Variants in CCR5AS observed in about 807,000 individuals in gnomAD.
The protein encoded by CCR5AS is CCR5 antisense RNA.
chr3:46,387,194 C>T (rs190518042), intron 2 of CCR5AS, among the ~76,000 whole-genome samples: 1 of 152,268 alleles, frequency 6.6e-6, no homozygotes, highest in Non-Finnish European at 1.5e-5. Context: ...ATGAGTCAAT[C>T]GGATCCTAGC....
intron 3 of CCR5AS, among the ~76,000 whole-genome samples, chr3:46,368,019 G>A (rs1026973346): frequency 2.8e-4 from 42 of 152,224 alleles, no homozygotes; most frequent in Non-Finnish European, 1.6e-4. Context: ...CTGTGCTCAT[G>A]TAGTTGGCCC....
At chr3:46,372,845 A>C in intron 2 of CCR5AS, 1 of 1,384,842 alleles carries the variant, frequency 7.2e-7, no homozygotes, top group East Asian at 2.3e-5. Context: ...AGGGCAACTA[A>C]ATACATTCTA....
chr3:46,380,502 G>T (rs751387026), intron 2 of CCR5AS, among the ~76,000 whole-genome samples: 1 of 152,152 alleles, frequency 6.6e-6, no homozygotes, highest in Admixed American at 6.5e-5. Flanking sequence ...AAACAAAAAG[G>T]TTGTTGAGGA....
intron 2 of CCR5AS, among the ~76,000 whole-genome samples, chr3:46,388,927 C>T (rs770054374): frequency 2.6e-5 from 4 of 152,082 alleles, no homozygotes; most frequent in Non-Finnish European, 5.9e-5. Context: ...TCAAGAGTGG[C>T]GGATTGGGGA....
chr3:46,392,411 C>T (rs530280902), intron 2 of CCR5AS, among the ~76,000 whole-genome samples: 3 of 152,176 alleles, frequency 2.0e-5, no homozygotes, highest in East Asian at 3.9e-4. Context: ...GGGAATGAAG[C>T]GTGGAAGGTT....
At chr3:46,396,736 T>C (rs1445983902) in intron 1 of CCR5AS, among the ~76,000 whole-genome samples, 2 of 152,150 alleles carry the variant, frequency 1.3e-5, no homozygotes, top group Non-Finnish European at 2.9e-5. Context: ...AACTGAGGCC[T>C]CCTCTGTGAC....
intron 2 of CCR5AS, chr3:46,373,246 G>C (rs865910667): frequency 6.2e-7 from 1 of 1,614,128 alleles, no homozygotes; most frequent in South Asian, 1.1e-5. Flanking sequence ...TTCTTCTCTG[G>C]AATCTTCTTC....
chr3:46,395,634 C>T (rs538525475), intron 1 of CCR5AS, among the ~76,000 whole-genome samples: 1 of 152,286 alleles, frequency 6.6e-6, no homozygotes, highest in East Asian at 1.9e-4. Context: ...TGGTCTCCTC[C>T]TCTGCCCACT....
chr3:46,377,850 C>A (rs1701777946), intron 2 of CCR5AS, among the ~76,000 whole-genome samples: 1 of 152,130 alleles, frequency 6.6e-6, no homozygotes, highest in African/African-American at 2.4e-5. Flanking sequence ...GGACTACAGG[C>A]ATGCACCACC....
chr3:46,366,113 G>C (rs1227367763), intron 3 of CCR5AS, among the ~76,000 whole-genome samples: 1 of 152,216 alleles, frequency 6.6e-6, no homozygotes, highest in Non-Finnish European at 1.5e-5. Context: ...TCCGTATACA[G>C]ACTGGAGTGA....
intron 2 of CCR5AS, among the ~76,000 whole-genome samples, chr3:46,378,076 A>G (rs1323306778): frequency 6.6e-6 from 1 of 152,238 alleles, no homozygotes; most frequent in Non-Finnish European, 1.5e-5. Flanking sequence ...TTATTGTCAG[A>G]GTACGTGGAG....
chr3:46,402,839 G>T (rs566645577), intron 1 of CCR5AS, among the ~76,000 whole-genome samples: 1 of 152,124 alleles, frequency 6.6e-6, no homozygotes, highest in East Asian at 1.9e-4. Flanking sequence ...TCATCACTCA[G>T]CTATCAAGCC....
At chr3:46,373,755 CTT>C (rs1701708799) in intron 2 of CCR5AS, 1 of 1,613,784 alleles carries the variant, frequency 6.2e-7, no homozygotes, top group East Asian at 2.2e-5. Context: ...GACAGAGACT[CTT>C]GGGATGACGC....
chr3:46,377,767 G>A (rs768083630), intron 2 of CCR5AS, among the ~76,000 whole-genome samples: 1 of 151,778 alleles, frequency 6.6e-6, no homozygotes, highest in Non-Finnish European at 1.5e-5. Context: ...GTGCAATGGT[G>A]CGATCTCGGC....
chr3:46,367,629 G>C (rs1701612632), intron 3 of CCR5AS, among the ~76,000 whole-genome samples: 1 of 152,168 alleles, frequency 6.6e-6, no homozygotes, highest in Non-Finnish European at 1.5e-5. Context: ...GGAGTGCAAT[G>C]GCCCAATCTT....
intron 2 of CCR5AS, among the ~76,000 whole-genome samples, chr3:46,381,432 C>T (rs2106761130): frequency 6.6e-6 from 1 of 152,300 alleles, no homozygotes; most frequent in Admixed American, 6.5e-5. Flanking sequence ...AACTCTTATA[C>T]ATCCTGGCAT....
intron 1 of CCR5AS, among the ~76,000 whole-genome samples, chr3:46,402,398 A>G (rs1039985064): frequency 3.3e-5 from 5 of 152,232 alleles, no homozygotes; most frequent in African/African-American, 1.2e-4. Flanking sequence ...TCTTTGATCT[A>G]CTACTCAATA....
intron 1 of CCR5AS, among the ~76,000 whole-genome samples, chr3:46,405,469 C>T (rs1284251423): frequency 6.6e-6 from 1 of 152,148 alleles, no homozygotes; most frequent in Non-Finnish European, 1.5e-5. Flanking sequence ...CCTTCCTTTT[C>T]CTGGAACTGA....
At chr3:46,395,415 A>G (rs1254341948) in intron 1 of CCR5AS, among the ~76,000 whole-genome samples, 1 of 152,146 alleles carries the variant, frequency 6.6e-6, no homozygotes, top group East Asian at 1.9e-4. Context: ...GAATGCAGGC[A>G]GCAAAGGGAG....
Sources: allele counts gnomAD v4.1 joint callset (sites outside exome capture counted in the v4.1 genomes callset), GRCh38; gene constraint gnomAD v4.1.1; transcripts MANE v1.5; gene names NCBI Gene and HGNC (gene_info 2026-07-23, HGNC 2026-07-21).